UGT2B17: variants seen among roughly 807,000 people sequenced by gnomAD.
UGT2B17 encodes UDP-glucuronosyltransferase 2B17.
A neutral mutation model predicts 48.2 loss-of-function variants in UGT2B17; 21 were observed. The ratio of observed to expected loss-of-function variants is 0.44; its 90% confidence interval spans 0.31 to 0.63. The LOEUF (loss-of-function observed/expected upper bound fraction) is 0.63, where lower values mean the gene tolerates loss of function less well. UGT2B17 is among the 20% of genes least tolerant of loss of function. The pLI, the probability that UGT2B17 is intolerant of heterozygous loss-of-function variation, is 0.08. For missense variants in UGT2B17, 402 were observed against 696.1 expected, an observed-to-expected ratio of 0.58 and a Z score of 4.75; for synonymous variants, 146 against 238.4, an observed-to-expected ratio of 0.61 and a Z score of 3.57.
intron 4 of UGT2B17, among the ~76,000 whole-genome samples, chr4:68,555,761 A>C (rs1486473755): frequency 8.0e-6 from 1 of 125,014 alleles, no homozygotes; most frequent in Non-Finnish European, 1.7e-5. Flanking sequence ...TATTTTTAAA[A>C]AAAAATTTGT....
rs1284298027 is a variant in UGT2B17, at chr4:68,545,991, A to G, written c.1313+4686T>C. The stretch of plus-strand genomic sequence containing the variant: ...TGGATTCACAGCTGAATTCTACCAG[A>G]GGTACAAGGAGGAGCTGGTACCCTT... On this transcript the variant is annotated intron_variant, in intron 6 of 6. Transcript: ENST00000317746. Among the ~76,000 whole-genome samples the G allele has an allele frequency of 1.6e-5, 2 of 125,988 alleles. 1 individual carries two copies. The highest frequency in any genetic ancestry group is 3.4e-5 in the Non-Finnish European group (2 of 59,522). The allele number at this position is 125,988 out of a possible 152,430, so 82.7% of individuals were successfully genotyped here. A position where few individuals can be genotyped will look rare whatever the true frequency, so the allele number is the denominator to read the frequency against.
rs1356849503 is a variant in UGT2B17 at position 68,551,839 on chromosome 4, G to A, written c.1078C>T (p.Gln360Ter). Residue 360 changes from glutamine to a stop codon, truncating the protein, a stop_gained, in exon 5 of 7, where the codon CAG becomes TAG. Transcript: ENST00000317746. LOFTEE classifies it high-confidence loss of function. ...SNTRLYKWLP[Q>*]NDLLGHPKTK... Reference sequence around the variant, plus strand: ...AGAGTCTTACCAAGAAGGTCATTCTGGGGTAACCACTTATACAGTCGAGTA... The same window carrying A: ...AGAGTCTTACCAAGAAGGTCATTCTAGGGTAACCACTTATACAGTCGAGTA... 1.5e-6 allele frequency: 2 copies of A among 1,351,246 alleles called. 1 individual carries two copies. Among genetic ancestry groups the A allele is most frequent in the Admixed American group, 4.1e-5 (2 of 48,928 alleles). 83.7% of individuals were successfully genotyped at this position (1,351,246 alleles called of 1,614,324 possible).
chr4:68,544,377 TAC>T (rs1730751111), intron 6 of UGT2B17, among the ~76,000 whole-genome samples: 1 of 125,474 alleles, frequency 8.0e-6, no homozygotes, highest in Non-Finnish European at 1.7e-5. Context: ...TCTAAGCATT[TAC>T]AGACAAGCAA....
intron 2 of UGT2B17, among the ~76,000 whole-genome samples, chr4:68,565,958 G>T (rs1346202064): frequency 8.7e-6 from 1 of 114,556 alleles, no homozygotes; most frequent in Non-Finnish European, 1.8e-5. Flanking sequence ...TTAAATTAAT[G>T]TATTTAATAT....
chr4:68,568,505 C>T lies in UGT2B17; in HGVS notation c.-21G>A. On this transcript the variant is annotated 5_prime_UTR_variant, in exon 2 of 7. Coordinates refer to ENST00000317746, the MANE Select transcript of UGT2B17 (RefSeq NM_001077.4). ...GACATCCTGGTCTTATGCAGTGCTT[C>T]TTTTCCAGTTGTTGTTTCTTTCTGT... 7.7e-7 allele frequency: 1 copy of T among 1,296,134 alleles called. No individual in the cohort carries two copies. Among genetic ancestry groups the T allele is most frequent in the Non-Finnish European group, 9.8e-7 (1 of 1,016,656 alleles). The allele number at this position is 1,296,134 out of a possible 1,614,324, so 80.3% of individuals were successfully genotyped here.
At position 68,555,499 on chromosome 4, in the gene UGT2B17, C is replaced by A. The variant is rs565947515; in HGVS notation, c.1006-3588G>T. On this transcript the variant is annotated intron_variant, in intron 4 of 6. Transcript: ENST00000317746. ...TCCTTAAGTTAGTTTGGCCTACACCCAGAAATAAACACGGAGAGCTTGGAG... is the reference window on the plus strand; with the variant it reads ...TCCTTAAGTTAGTTTGGCCTACACCAAGAAATAAACACGGAGAGCTTGGAG... Among the ~76,000 whole-genome samples, 2 of 125,768 alleles carry A rather than the reference C, an allele frequency of 1.6e-5. 1 individual carries two copies. The highest frequency in any genetic ancestry group is 1.5e-3 in the East Asian group (2 of 1,324). The allele number at this position is 125,768 out of a possible 152,430, so 82.5% of individuals were successfully genotyped here. A position where few individuals can be genotyped will look rare whatever the true frequency, so the allele number is the denominator to read the frequency against.
chr4:68,564,426 T>C lies in UGT2B17; in HGVS notation c.873+1146A>G, dbSNP rs2109774940. On this transcript the variant is annotated intron_variant, in intron 3 of 6. Coordinates refer to ENST00000317746, the MANE Select transcript of UGT2B17 (RefSeq NM_001077.4). ...GCCTCAGCTTCCCGAGTAGCTGCTA[T>C]TAGAGGTGCCTGCCAACATGCCTGA... Among the ~76,000 whole-genome samples, 2 of 119,630 alleles carry C rather than the reference T, an allele frequency of 1.7e-5. 1 individual carries two copies. Among genetic ancestry groups the C allele is most frequent in the South Asian group, 8.5e-4 (2 of 2,352 alleles). The allele number at this position is 119,630 out of a possible 152,430, so 78.5% of individuals were successfully genotyped here.
intron 4 of UGT2B17, among the ~76,000 whole-genome samples, chr4:68,558,552 A>G (rs139506635): frequency 0.013 from 1,590 of 125,588 alleles, 319 homozygotes; most frequent in African/African-American, 0.04. Context: ...ATTTTAAAGG[A>G]TTGTTCTTTT....
chr4:68,570,257 A>C lies in UGT2B17; in HGVS notation c.-64-1709T>G, dbSNP rs574300891. ...CACATGAAATGGTCGTGATTGATTT[A>C]AGCAAGCAGTGGGTATGTGACAGGT... On this transcript the variant is annotated intron_variant, in intron 1 of 6. Coordinates refer to ENST00000317746, the MANE Select transcript of UGT2B17 (RefSeq NM_001077.4). Among the ~76,000 whole-genome samples the C allele has an allele frequency of 4.9e-4, 63 of 127,582 alleles. 23 individuals are homozygous for C. The South Asian group carries it at 0.021, about 42-fold the overall frequency. 83.7% of individuals were successfully genotyped at this position (127,582 alleles called of 152,430 possible). A position where few individuals can be genotyped will look rare whatever the true frequency, so the allele number is the denominator to read the frequency against.
Position 68,542,449 on chromosome 4 carries a change from T to A in UGT2B17, c.1314-4545A>T, listed in dbSNP as rs1207101613. On this transcript the variant is annotated intron_variant, in intron 6 of 6. Coordinates refer to ENST00000317746, the MANE Select transcript of UGT2B17 (RefSeq NM_001077.4). ...ATGGGAATAGCTTTGAATATATAAA[T>A]TACTGTGGGAAGAAGCCAAGATGGC... Among the ~76,000 whole-genome samples, 4 of 126,318 alleles carry A rather than the reference T, an allele frequency of 3.2e-5. 2 individuals are homozygous for A. In the East Asian group the frequency reaches 3.0e-3, roughly 95 times the overall value. The allele number at this position is 126,318 out of a possible 152,430, so 82.9% of individuals were successfully genotyped here.
chr4:68,539,827 C>G (rs1306284100), intron 6 of UGT2B17, among the ~76,000 whole-genome samples: 1 of 111,018 alleles, frequency 9.0e-6, no homozygotes, highest in Non-Finnish European at 1.8e-5. Flanking sequence ...CTCTGTCACC[C>G]AGGCTTGAGT....
Position 68,551,851 on chromosome 4 carries a change from T to A in UGT2B17, c.1066A>T (p.Lys356Ter). Residue 356 changes from lysine to a stop codon, truncating the protein, a stop_gained, in exon 5 of 7, where the codon AAG becomes TAG. Coordinates refer to ENST00000317746, the MANE Select transcript of UGT2B17 (RefSeq NM_001077.4). LOFTEE classifies it high-confidence loss of function. ...NTLGSNTRLYKWLPQNDLLGH... is the reference protein window; with the variant it reads ...NTLGSNTRLY Reference sequence around the variant, plus strand: ...AGAAGGTCATTCTGGGGTAACCACTTATACAGTCGAGTATTGGAACCTAAA... The same window carrying A: ...AGAAGGTCATTCTGGGGTAACCACTAATACAGTCGAGTATTGGAACCTAAA... 7.3e-7 allele frequency: 1 copy of A among 1,363,810 alleles called. No homozygotes were observed. Among genetic ancestry groups the A allele is most frequent in the Non-Finnish European group, 9.6e-7 (1 of 1,045,244 alleles). The allele number at this position is 1,363,810 out of a possible 1,614,324, so 84.5% of individuals were successfully genotyped here. A position where few individuals can be genotyped will look rare whatever the true frequency, so the allele number is the denominator to read the frequency against.
rs1731245726 is a variant in UGT2B17, at chr4:68,568,427, A to T, written c.58T>A (p.Ser20Thr). ...ACCAGCACCTTTCCACAACTCCCAG[A>T]GCTAAAGTAACAACTGAGCTGCATC... ...LLMQLSCYFS[S>T]GSCGKVLVWP... The change falls in exon 2 of 7, where the codon TCT (serine) becomes ACT (threonine). Residue 20 changes from serine to threonine, a missense_variant. Ser to Thr is a moderately conservative substitution (Grantham distance 58, BLOSUM62 1). This residue lies in a region of UGT2B17 where 51 missense variants were observed against 108.7 expected (regional missense o/e 0.47). Transcript: ENST00000317746. 7.3e-7 allele frequency: 1 copy of T among 1,370,604 alleles called. No homozygotes were observed. The highest frequency in any genetic ancestry group is 9.5e-7 in the Non-Finnish European group (1 of 1,053,160). 84.9% of individuals were successfully genotyped at this position (1,370,604 alleles called of 1,614,324 possible). A position where few individuals can be genotyped will look rare whatever the true frequency, so the allele number is the denominator to read the frequency against.
At position 68,572,417 on chromosome 4, in the gene UGT2B17, C is replaced by A. The variant is rs373263687; in HGVS notation, c.-65+3534G>T. ...GGTTGGTTATTTCCTGGGCTACATA[C>A]CTTGGATAGAATAGCATTATACAAA... On this transcript the variant is annotated intron_variant, in intron 1 of 6. Coordinates refer to ENST00000317746, the MANE Select transcript of UGT2B17 (RefSeq NM_001077.4). Among the ~76,000 whole-genome samples the A allele has an allele frequency of 4.8e-5, 6 of 126,070 alleles. 3 individuals are homozygous for A. The South Asian group carries it at 2.1e-3, about 45-fold the overall frequency. 82.7% of individuals were successfully genotyped at this position (126,070 alleles called of 152,430 possible).
In UGT2B17 at chr4:68,560,517, G is replaced by GTTAAGGCA; in HGVS notation, c.1005+12_1005+19dup. On this transcript the variant is annotated intron_variant, in intron 4 of 6. Coordinates refer to ENST00000317746, the MANE Select transcript of UGT2B17 (RefSeq NM_001077.4). The stretch of plus-strand genomic sequence containing the variant: ...CAGATTCATTTAGTAGCCATCCACA[G>GTTAAGGCA]TTAAGGCACTTTATCTAACCTTTTG... The GTTAAGGCA allele has an allele frequency of 8.4e-7, 1 of 1,188,544 alleles. No individual in the cohort carries two copies. The highest frequency in any genetic ancestry group is 2.5e-5 in the Admixed American group (1 of 40,542). The allele number at this position is 1,188,544 out of a possible 1,614,324, so 73.6% of individuals were successfully genotyped here.
rs1056149791 is a variant in UGT2B17, at chr4:68,542,398, C to G, written c.1314-4494G>C. Among the ~76,000 whole-genome samples the G allele has an allele frequency of 5.6e-5, 7 of 125,612 alleles. 2 individuals carry two copies. Among genetic ancestry groups the G allele is most frequent in the Non-Finnish European group, 1.2e-4 (7 of 59,462 alleles). 82.4% of individuals were successfully genotyped at this position (125,612 alleles called of 152,430 possible). On this transcript the variant is annotated intron_variant, in intron 6 of 6. Coordinates refer to ENST00000317746, the MANE Select transcript of UGT2B17 (RefSeq NM_001077.4). ...AATTTAAAGTAGTTTTTTTCTAGCT[C>G]TGTGAGGAATGTCAATGGTAGTTTG...
intron 6 of UGT2B17, among the ~76,000 whole-genome samples, chr4:68,543,791 G>A (rs1730736253): frequency 8.0e-6 from 1 of 125,696 alleles, no homozygotes; most frequent in African/African-American, 2.7e-5. Context: ...GAATGCACAA[G>A]CCTCAGTAGC....
rs190212441 is a variant in UGT2B17 at position 68,542,201 on chromosome 4, A to C, written c.1314-4297T>G. Among the ~76,000 whole-genome samples the C allele has an allele frequency of 6.3e-5, 8 of 126,238 alleles. 3 individuals are homozygous for C. In the East Asian group the frequency reaches 6.0e-3, roughly 95 times the overall value. 82.8% of individuals were successfully genotyped at this position (126,238 alleles called of 152,430 possible). ...TTGTAGATGTGTAATGTTATTTCTG[A>C]GGCGTATGTTCTGTTCCATTGGTCA... On this transcript the variant is annotated intron_variant, in intron 6 of 6. Coordinates refer to ENST00000317746, the MANE Select transcript of UGT2B17 (RefSeq NM_001077.4).
At chr4:68,556,360 C>T (rs1319098240) in intron 4 of UGT2B17, among the ~76,000 whole-genome samples, 1 of 123,060 alleles carries the variant, frequency 8.1e-6, no homozygotes, top group Non-Finnish European at 1.7e-5. Flanking sequence ...GTAACACTCT[C>T]CTTCAACTCA....
Sources: gnomAD v4.1 joint callset for allele counts (sites outside exome capture counted in the v4.1 genomes callset) on GRCh38, gnomAD v4.1.1 for gene constraint, gnomAD v4.1.1 regional missense constraint, MANE v1.5 for transcripts, NCBI Gene and HGNC (gene_info 2026-07-23, HGNC 2026-07-21) for gene names.